ENOX1: variants seen among roughly 807,000 people sequenced by gnomAD.
The protein encoded by ENOX1 is ecto-NOX disulfide-thiol exchanger 1, also known as candidate growth-related and time keeping constitutive hydroquinone (NADH) oxidase.
Under a neutral mutation model 82.5 loss-of-function variants are expected in ENOX1, and 42 were observed. The observed-to-expected ratio is 0.51, with a 90% CI of 0.40 to 0.66. The LOEUF is 0.66. Ranked by LOEUF, ENOX1 falls within the 30% of genes least tolerant of loss-of-function variation. The pLI is 0.00. For synonymous variants in ENOX1, 271 were observed against 282.2 expected, an observed-to-expected ratio of 0.96 and a Z score of 0.40; for missense variants, 608 against 811.6, an observed-to-expected ratio of 0.75 and a Z score of 3.05.
intron 1 of ENOX1, among the ~76,000 whole-genome samples, chr13:43,774,385 G>T (rs770335174): frequency 6.6e-6 from 1 of 152,134 alleles, no homozygotes; most frequent in African/African-American, 2.4e-5. Context: ...TAAAGAAAAC[G>T]GAAAATGGAG....
chr13:43,419,225 T>C (rs999914968), intron 3 of ENOX1, among the ~76,000 whole-genome samples: 19 of 152,066 alleles, frequency 1.2e-4, no homozygotes, highest in Non-Finnish European at 5.9e-5. Context: ...ATCCTTCTTA[T>C]TGAAAAAAAG....
At chr13:43,576,597 G>A (rs1429384394) in intron 2 of ENOX1, among the ~76,000 whole-genome samples, 3 of 152,062 alleles carry the variant, frequency 2.0e-5, no homozygotes, top group African/African-American at 7.2e-5. Flanking sequence ...AAAAAATGTG[G>A]CCCTGCAGAA....
At chr13:43,498,683 G>A (rs999614026) in intron 2 of ENOX1, among the ~76,000 whole-genome samples, 3 of 151,944 alleles carry the variant, frequency 2.0e-5, no homozygotes, top group African/African-American at 7.2e-5. Flanking sequence ...AGTTAGAACT[G>A]CTACAGGCAA....
At chr13:43,708,227 T>C (rs542270918) in intron 1 of ENOX1, among the ~76,000 whole-genome samples, 1 of 152,182 alleles carries the variant, frequency 6.6e-6, no homozygotes, top group Non-Finnish European at 1.5e-5. Flanking sequence ...CAAGTGAGCA[T>C]GCGTACAACT....
At chr13:43,391,714 C>T (rs907705111) in intron 5 of ENOX1, among the ~76,000 whole-genome samples, 1 of 152,184 alleles carries the variant, frequency 6.6e-6, no homozygotes, top group South Asian at 2.1e-4. Context: ...TCCAACTTCA[C>T]TATCATGCCC....
At chr13:43,623,325 T>C (rs1447607088) in intron 2 of ENOX1, among the ~76,000 whole-genome samples, 1 of 152,180 alleles carries the variant, frequency 6.6e-6, no homozygotes, top group Non-Finnish European at 1.5e-5. Flanking sequence ...GATGTCCTTC[T>C]CCCTGTGTGG....
chr13:43,401,453 G>T (rs1226848311), intron 5 of ENOX1, among the ~76,000 whole-genome samples: 1 of 152,182 alleles, frequency 6.6e-6, no homozygotes, highest in Non-Finnish European at 1.5e-5. Flanking sequence ...TTAATGCAAG[G>T]AAGAGAAACC....
At chr13:43,561,357 A>G (rs2079658877) in intron 2 of ENOX1, among the ~76,000 whole-genome samples, 1 of 152,100 alleles carries the variant, frequency 6.6e-6, no homozygotes, top group Non-Finnish European at 1.5e-5. Context: ...GCAAGGTACA[A>G]ATCCTGACCC....
At chr13:43,355,859 C>A (rs1322733233) in intron 8 of ENOX1, 60 bp downstream of exon 8, 13 of 1,510,188 alleles carry the variant, frequency 8.6e-6, no homozygotes, top group African/African-American at 1.4e-5. Flanking sequence ...GAGAAACGCA[C>A]AGGGTTCCGT....
At chr13:43,609,247 CT>C (rs1485173489) in intron 2 of ENOX1, among the ~76,000 whole-genome samples, 3 of 152,142 alleles carry the variant, frequency 2.0e-5, no homozygotes, top group Non-Finnish European at 2.9e-5. Flanking sequence ...GTGAATGAAG[CT>C]TTTTTTCCTT....
At chr13:43,470,120 T>C (rs1274742650) in intron 3 of ENOX1, among the ~76,000 whole-genome samples, 1 of 150,518 alleles carries the variant, frequency 6.6e-6, no homozygotes, top group African/African-American at 2.4e-5. Flanking sequence ...AAAATTAATT[T>C]AATATGGATA....
chr13:43,214,253 C>T lies in ENOX1; in HGVS notation c.1801-132G>A, dbSNP rs1002889193. 5.7e-6 allele frequency: 5 copies of T among 876,608 alleles called. No individual in the cohort carries two copies. In the African/African-American group the frequency reaches 8.5e-5, roughly 15 times the overall value. The allele number at this position is 876,608 out of a possible 1,614,324, so 54.3% of individuals were successfully genotyped here. ...TCTACTGGGCTGTCAGGGGGATGTC[C>T]TTATAGAAGGAACATTCAGAAGTAC... is the stretch of plus-strand genomic sequence containing the variant. On this transcript the variant is annotated intron_variant, in intron 16 of 16. Transcript: ENST00000690772.
intron 2 of ENOX1, among the ~76,000 whole-genome samples, chr13:43,582,282 A>G (rs891633558): frequency 3.9e-5 from 6 of 152,216 alleles, no homozygotes; most frequent in Admixed American, 6.5e-5. Flanking sequence ...TCATGCTGAA[A>G]GGAAAATTCA....
chr13:43,731,763 G>A lies in ENOX1; in HGVS notation c.-285+54889C>T, dbSNP rs544949010. ...AAAGCAAAATAAAATATTTTTAAGC[G>A]AAAAAGAACTAAAGCTATCACTTCT... On this transcript the variant is annotated intron_variant, in intron 1 of 16. Transcript: ENST00000690772. Among the ~76,000 whole-genome samples the A allele has an allele frequency of 3.3e-5, 5 of 152,148 alleles. No individual in the cohort carries two copies. The South Asian group carries it at 6.2e-4, about 19-fold the overall frequency.
intron 12 of ENOX1, among the ~76,000 whole-genome samples, chr13:43,291,606 G>T (rs2046002705): frequency 6.6e-6 from 1 of 152,000 alleles, no homozygotes; most frequent in Non-Finnish European, 1.5e-5. Context: ...CGGGCAGCCA[G>T]AACAATTTGC....
chr13:43,288,465 T>C (rs1303855915), intron 12 of ENOX1, among the ~76,000 whole-genome samples: 2 of 152,206 alleles, frequency 1.3e-5, no homozygotes, highest in Non-Finnish European at 2.9e-5. Flanking sequence ...TTTATATGTG[T>C]ATGTCTATTT....
In ENOX1 at chr13:43,535,472, C is replaced by T. The variant is rs559376479; in HGVS notation, c.-218-51320G>A. 1.2e-4 allele frequency among the ~76,000 whole-genome samples: 19 copies of T among 152,274 alleles called. No individual in the cohort carries two copies. The South Asian group carries it at 3.3e-3, about 27-fold the overall frequency. ...TACCCTGCCTTCCAGTACCTCTCCCCCCATCGTTAACTCAATACACTGTAG... is the reference window on the plus strand; with the variant it reads ...TACCCTGCCTTCCAGTACCTCTCCCTCCATCGTTAACTCAATACACTGTAG... On this transcript the variant is annotated intron_variant, in intron 2 of 16. Transcript: ENST00000690772.
At chr13:43,333,170 TA>T (rs2048505246) in intron 9 of ENOX1, among the ~76,000 whole-genome samples, 1 of 152,206 alleles carries the variant, frequency 6.6e-6, no homozygotes, top group Non-Finnish European at 1.5e-5. Context: ...AATCCTTACA[TA>T]AATATCTTTA....
At chr13:43,692,699 T>C (rs2086428142) in intron 1 of ENOX1, among the ~76,000 whole-genome samples, 1 of 152,184 alleles carries the variant, frequency 6.6e-6, no homozygotes, top group Non-Finnish European at 1.5e-5. Flanking sequence ...TGTAAAATTT[T>C]CAAATTCCCA....
Sources: gnomAD v4.1 joint callset for allele counts (sites outside exome capture counted in the v4.1 genomes callset) on GRCh38, gnomAD v4.1.1 for gene constraint, MANE v1.5 for transcripts, NCBI Gene and HGNC (gene_info 2026-07-23, HGNC 2026-07-21) for gene names.